Variants in CLEC12A observed in about 807,000 individuals in gnomAD.
CLEC12A encodes C-type lectin protein CLL-1.
A neutral mutation model predicts 26.5 loss-of-function variants in CLEC12A; 22 were observed. That is an observed-to-expected ratio of 0.83 (90% CI 0.59 to 1.19). The LOEUF (loss-of-function observed/expected upper bound fraction) is 1.19, where lower values mean the gene tolerates loss of function less well. Ranked by LOEUF, CLEC12A falls within the 50% of genes most tolerant of loss-of-function variation. The probability of loss-of-function intolerance (pLI) is 0.00; values close to 1 mark genes in which losing one functional copy is unlikely to be tolerated. For synonymous variants in CLEC12A, 119 were observed against 101.9 expected (o/e 1.17, Z -1.01); for missense variants, 353 against 315.6 (o/e 1.12, Z -0.90).
At position 9,984,944 on chromosome 12, in the gene CLEC12A, A is replaced by G; in HGVS notation, c.716A>G (p.His239Arg). The G allele has an allele frequency of 6.3e-7, 1 of 1,578,132 alleles. No homozygotes were observed. The highest frequency in any genetic ancestry group is 1.2e-5 in the South Asian group (1 of 86,868). Residue 239 changes from histidine (H) to arginine (R), a missense_variant, in exon 6 of 6, where the codon CAC (histidine) becomes CGC (arginine). His to Arg is a conservative substitution (Grantham distance 29). Transcript: ENST00000304361. ...AATAGACTATATGTTCAATATTATC[A>G]CTGCACTTATAAAAAAAGAATGATA... ...YINRLYVQYY[H>R]CTYKKRMICE... is the part of the protein sequence containing the mutation.
At chr12:9,959,446 CTG>C (rs1591811424) in intron 1 of CLEC12A, among the ~76,000 whole-genome samples, 1 of 106,780 alleles carries the variant, frequency 9.4e-6, no homozygotes, top group Non-Finnish European at 2.0e-5. Context: ...GAGCGAAACT[CTG>C]TCTCAAAAAA....
At chr12:9,964,930 C>A (rs1863903460) in intron 1 of CLEC12A, among the ~76,000 whole-genome samples, 1 of 152,020 alleles carries the variant, frequency 6.6e-6, no homozygotes, top group Non-Finnish European at 1.5e-5. Flanking sequence ...GTGTGGTATC[C>A]AGAATACTGT....
At chr12:9,993,285 A>C in intron 4 of CLEC12A, 1 of 1,612,202 alleles carries the variant, frequency 6.2e-7, no homozygotes, top group Non-Finnish European at 8.5e-7. Context: ...CAAAAACTCA[A>C]ACCTGTGAAG....
intron 1 of CLEC12A, among the ~76,000 whole-genome samples, chr12:9,955,150 G>C (rs185817504): frequency 3.2e-4 from 48 of 152,198 alleles, no homozygotes; most frequent in Admixed American, 1.6e-3. Context: ...GCAGTGGCCC[G>C]ATCTCGGCTC....
chr12:9,962,257 T>TC (rs200459842), intron 1 of CLEC12A, among the ~76,000 whole-genome samples: 63 of 146,002 alleles, frequency 4.3e-4, no homozygotes, highest in African/African-American at 1.2e-3. Context: ...TTTTTTCTTT[T>TC]TTTTTTTTTT....
chr12:9,954,493 A>G (rs974417186), intron 1 of CLEC12A, among the ~76,000 whole-genome samples: 1 of 148,638 alleles, frequency 6.7e-6, no homozygotes, highest in African/African-American at 2.4e-5. Context: ...TCCTGTCTCA[A>G]AAAAAAAAAT....
At chr12:9,970,938 T>C (rs1864103716), upstream of CLEC12A, among the ~76,000 whole-genome samples, 1 of 152,338 alleles carries the variant, frequency 6.6e-6, no homozygotes, top group Admixed American at 6.5e-5. Context: ...ACCTATATAT[T>C]GTTATTTAGA....
intron 1 of CLEC12A, among the ~76,000 whole-genome samples, chr12:9,959,488 T>C (rs1863796520): frequency 6.6e-6 from 1 of 151,960 alleles, no homozygotes; most frequent in South Asian, 2.1e-4. Flanking sequence ...ATATTAACCT[T>C]ACTTTTTGGT....
chr12:9,981,994 A>T, intron 4 of CLEC12A, 26 bp from the exon 5 acceptor site: 1 of 1,170,840 alleles, frequency 8.5e-7, no homozygotes, highest in Non-Finnish European at 1.3e-6. Flanking sequence ...ACTGTTTCTT[A>T]AACAGACTAT....
At chr12:9,990,610 TGCTGTGAACATTGTTG>T (rs1259749411) in intron 4 of CLEC12A, among the ~76,000 whole-genome samples, 1 of 152,210 alleles carries the variant, frequency 6.6e-6, no homozygotes, top group African/African-American at 2.4e-5. Flanking sequence ...CTGGTGAACA[TGCTGTGAACATTGTTG>T]AAATGCTAAT....
chr12:9,996,846 C>T (rs1157235583), downstream of CLEC12A: 1 of 1,613,928 alleles, frequency 6.2e-7, no homozygotes, highest in East Asian at 2.2e-5. Flanking sequence ...ATCTTCTTAC[C>T]ACAATGTTCC....
intron 1 of CLEC12A, among the ~76,000 whole-genome samples, chr12:9,962,775 G>C (rs142428635): frequency 1.3e-5 from 2 of 152,278 alleles, no homozygotes; most frequent in East Asian, 1.9e-4. Context: ...GGCAGGAACC[G>C]GCCATCTGGA....
chr12:10,002,440 G>GTTTTT, the CLEC12A span, among the ~76,000 whole-genome samples: 6 of 40,484 alleles, frequency 1.5e-4, 1 homozygote, highest in Non-Finnish European at 2.5e-4. Flanking sequence ...GTTGGGTAAT[G>GTTTTT]TTTTTTTTTT....
intron 5 of CLEC12A, among the ~76,000 whole-genome samples, chr12:9,984,568 T>G (rs1864695540): frequency 6.6e-6 from 1 of 152,180 alleles, no homozygotes; most frequent in South Asian, 2.1e-4. Context: ...GGAATGGTAT[T>G]ATTCCAAATT....
chr12:9,998,286 A>T, downstream of CLEC12A: 2 of 1,613,674 alleles, frequency 1.2e-6, no homozygotes, highest in Non-Finnish European at 1.7e-6. Context: ...ACTTACACCA[A>T]ATCCCCAGAG....
At chr12:9,977,095 G>A (rs686148) in intron 1 of CLEC12A, among the ~76,000 whole-genome samples, 22,806 of 152,162 alleles carry the variant, frequency 0.15, 1,938 homozygotes, top group South Asian at 0.35. Context: ...TAACCCTAAA[G>A]ATGGTGTTTT....
chr12:9,980,207 A>AT (rs1864498872), intron 3 of CLEC12A, among the ~76,000 whole-genome samples: 2 of 152,078 alleles, frequency 1.3e-5, no homozygotes, highest in African/African-American at 4.8e-5. Flanking sequence ...CTTAATTTGA[A>AT]ATTTTTTTGT....
At chr12:9,999,675 T>G (rs1865132444), downstream of CLEC12A, among the ~76,000 whole-genome samples, 1 of 152,152 alleles carries the variant, frequency 6.6e-6, no homozygotes, top group Admixed American at 6.5e-5. Context: ...ATTTCATACT[T>G]TTTTTTATTT....
intron 5 of CLEC12A, chr12:9,984,119 G>A (rs1273108342): frequency 1.0e-5 from 2 of 198,082 alleles, no homozygotes; most frequent in Non-Finnish European, 2.1e-5. Flanking sequence ...ATGTGTGTGT[G>A]TGTGTATATA....
Sources: allele counts gnomAD v4.1 joint callset (sites outside exome capture counted in the v4.1 genomes callset), GRCh38; gene constraint gnomAD v4.1.1; transcripts MANE v1.5; gene names NCBI Gene and HGNC (gene_info 2026-07-23, HGNC 2026-07-21).